The following ANK3 variants were observed in gnomAD, a reference collection of about 807,000 sequenced individuals.
The protein encoded by ANK3 is ankyrin 3, also known as ankyrin-3.
ANK3 carries 57 observed loss-of-function variants against 370.9 expected under a neutral mutation model. The ratio of observed to expected loss-of-function variants is 0.15; its 90% confidence interval spans 0.12 to 0.19. ANK3 has a LOEUF of 0.19. Among genes scored for constraint, ANK3 ranks in the 10% least tolerant of loss-of-function variants. The probability of loss-of-function intolerance (pLI) is 1.00; values close to 1 mark genes in which losing one functional copy is unlikely to be tolerated. For synonymous variants in ANK3, 1,929 were observed against 1,946.3 expected (o/e 0.99, Z 0.23); for missense variants, 4,439 against 5,302.1 (o/e 0.84, Z 5.06).
chr10:60,713,368 A>G (rs1253699891), intron 1 of ANK3, among the ~76,000 whole-genome samples: 1 of 152,188 alleles, frequency 6.6e-6, no homozygotes, highest in African/African-American at 2.4e-5. Flanking sequence ...CATGTGAGTC[A>G]AAGAAGAAAT....
chr10:60,269,517 C>T (rs1322182558), intron 5 of ANK3, among the ~76,000 whole-genome samples: 1 of 151,846 alleles, frequency 6.6e-6, no homozygotes, highest in Non-Finnish European at 1.5e-5. Flanking sequence ...GGGTGGTGGG[C>T]ACCTGTAATC....
chr10:60,372,581 T>C (rs1358933393), intron 1 of ANK3, among the ~76,000 whole-genome samples: 1 of 152,128 alleles, frequency 6.6e-6, no homozygotes, highest in Non-Finnish European at 1.5e-5. Flanking sequence ...TGTTCAGCAA[T>C]GGGGGCTATG....
intron 1 of ANK3, among the ~76,000 whole-genome samples, chr10:60,691,281 C>T (rs1009804648): frequency 6.6e-6 from 1 of 151,948 alleles, no homozygotes; most frequent in Non-Finnish European, 1.5e-5. Context: ...CAAACATGTA[C>T]CCCCGAATCT....
At chr10:60,428,998 A>G (rs898736669) in intron 2 of ANK3, among the ~76,000 whole-genome samples, 1 of 149,334 alleles carries the variant, frequency 6.7e-6, no homozygotes, top group African/African-American at 2.5e-5. Context: ...GATAATATAA[A>G]TAACTTATGT....
chr10:60,538,030 T>C (rs1349129057), intron 2 of ANK3, among the ~76,000 whole-genome samples: 1 of 151,938 alleles, frequency 6.6e-6, no homozygotes, highest in African/African-American at 2.4e-5. Context: ...TCAAAAATAA[T>C]TTCAGATAAA....
chr10:60,419,628 C>T (rs2063738156), intron 2 of ANK3, among the ~76,000 whole-genome samples: 1 of 152,088 alleles, frequency 6.6e-6, no homozygotes, highest in African/African-American at 2.4e-5. Context: ...TGTTGGATGC[C>T]CTCTTGGCCT....
intron 2 of ANK3, among the ~76,000 whole-genome samples, chr10:60,402,243 G>T (rs1008658218): frequency 1.5e-4 from 23 of 152,102 alleles, no homozygotes; most frequent in Admixed American, 5.2e-4. Context: ...ATACTGGTTT[G>T]GGGTTGTGTG....
At chr10:60,097,251 T>C (rs904164233) in intron 28 of ANK3, among the ~76,000 whole-genome samples, 12 of 152,204 alleles carry the variant, frequency 7.9e-5, no homozygotes, top group African/African-American at 2.9e-4. Context: ...TGGAAAGAGA[T>C]GAAGTCACAC....
At chr10:60,431,887 T>C (rs556068276) in intron 2 of ANK3, among the ~76,000 whole-genome samples, 1 of 152,346 alleles carries the variant, frequency 6.6e-6, no homozygotes, top group African/African-American at 2.4e-5. Context: ...GTGGTGTCTT[T>C]GCCCTTCTGA....
chr10:60,198,231 C>T (rs572695942), intron 14 of ANK3, 109 bp downstream of exon 14: 61 of 1,082,984 alleles, frequency 5.6e-5, no homozygotes, highest in Middle Eastern at 2.9e-4. Flanking sequence ...ACTGTGGGAT[C>T]GCAAGAATAG....
intron 1 of ANK3, among the ~76,000 whole-genome samples, chr10:60,350,112 C>T (rs2056545318): frequency 1.3e-5 from 2 of 152,156 alleles, no homozygotes; most frequent in Non-Finnish European, 2.9e-5. Flanking sequence ...GCAGATAATG[C>T]TTTGTCCTTG....
At chr10:60,177,791 G>T (rs934325576) in intron 18 of ANK3, among the ~76,000 whole-genome samples, 7 of 151,790 alleles carry the variant, frequency 4.6e-5, no homozygotes. Flanking sequence ...TAGTAGAGAC[G>T]GGGTTTCGCC....
At chr10:60,033,536 A>AAAAAAAAAAAAAAAAAAAAAAAAAAAAAC (rs1554812951) in intron 43 of ANK3, among the ~76,000 whole-genome samples, 1 of 98,394 alleles carries the variant, frequency 1.0e-5, no homozygotes, top group Non-Finnish European at 2.0e-5. Context: ...AAAAAAAAAA[A>AAAAAAAAAAAAAAAAAAAAAAAAAAAAAC]AAACTTGGAA....
At chr10:60,263,746 G>C in intron 6 of ANK3, 89 bp downstream of exon 6, 1 of 1,457,730 alleles carries the variant, frequency 6.9e-7, no homozygotes, top group Non-Finnish European at 9.5e-7. Flanking sequence ...CATGGCATAA[G>C]CTTGCGAAGA....
At chr10:60,693,575 A>C (rs1442734147) in intron 1 of ANK3, among the ~76,000 whole-genome samples, 3 of 152,198 alleles carry the variant, frequency 2.0e-5, no homozygotes, top group African/African-American at 4.8e-5. Flanking sequence ...ACTGCCTCCT[A>C]AAGTGGGTCC....
At chr10:60,670,177 TC>T in intron 1 of ANK3, among the ~76,000 whole-genome samples, 1 of 151,500 alleles carries the variant, frequency 6.6e-6, no homozygotes, top group Admixed American at 6.6e-5. Context: ...TACTCTGACC[TC>T]CCCCCAAACA....
intron 2 of ANK3, among the ~76,000 whole-genome samples, chr10:60,465,603 G>A (rs1173604085): frequency 2.0e-5 from 3 of 152,136 alleles, no homozygotes; most frequent in African/African-American, 7.2e-5. Flanking sequence ...TGACTAGAGG[G>A]ATATTGAAAG....
Position 60,250,556 on chromosome 10 carries a change from G to A in ANK3, c.798+11303C>T, listed in dbSNP as rs184241473. Among the ~76,000 whole-genome samples the A allele has an allele frequency of 1.1e-3, 169 of 152,054 alleles. 2 individuals are homozygous for A. In the East Asian group the frequency reaches 0.03, roughly 27 times the overall value. ...ATTTTTTTGTATTTTTAGTAGAGAC[G>A]GAGTTTCACCATGTTAGCCAGGATG... is the stretch of plus-strand genomic sequence containing the variant. On this transcript the variant is annotated intron_variant, in intron 7 of 43. Coordinates refer to ENST00000280772, the MANE Select transcript of ANK3 (RefSeq NM_020987.5).
chr10:60,469,129 GTA>G (rs1205321511), intron 2 of ANK3, among the ~76,000 whole-genome samples: 25 of 63,292 alleles, frequency 3.9e-4, no homozygotes, highest in African/African-American at 5.4e-4. Flanking sequence ...ACCACTTTTA[GTA>G]TATATATATA....
Sources: gnomAD v4.1 joint callset for allele counts (sites outside exome capture counted in the v4.1 genomes callset) on GRCh38, gnomAD v4.1.1 for gene constraint, MANE v1.5 for transcripts, NCBI Gene and HGNC (gene_info 2026-07-23, HGNC 2026-07-21) for gene names.